LAPTM4A: variants seen among roughly 807,000 people sequenced by gnomAD.
LAPTM4A encodes lysosomal-associated transmembrane protein 4A.
In LAPTM4A, 19 loss-of-function variants were observed where a neutral mutation model predicts 29.9. That is an observed-to-expected ratio of 0.64 (90% CI 0.44 to 0.93). LAPTM4A has a LOEUF of 0.93. LAPTM4A is among the 40% of genes least tolerant of loss of function. The probability of loss-of-function intolerance (pLI) is 0.00; values close to 1 mark genes in which losing one functional copy is unlikely to be tolerated. For missense variants in LAPTM4A, 293 were observed against 288.5 expected, an observed-to-expected ratio of 1.02 and a Z score of -0.11; for synonymous variants, 105 against 102.1, an observed-to-expected ratio of 1.03 and a Z score of -0.17.
intron 3 of LAPTM4A, 36 bp from the exon 4 acceptor site, chr2:20,037,474 A>G (rs766532530): frequency 6.2e-7 from 1 of 1,604,038 alleles, no homozygotes; most frequent in African/African-American, 1.4e-5. Flanking sequence ...ATTGTATCAC[A>G]TATAGGAAAT....
intron 2 of LAPTM4A, among the ~76,000 whole-genome samples, chr2:20,039,714 T>C (rs1287178277): frequency 1.3e-5 from 2 of 151,954 alleles, no homozygotes; most frequent in African/African-American, 2.4e-5. Flanking sequence ...ACCTTTTCTC[T>C]AAAAAACTTT....
At chr2:20,048,795 TTCTC>T (rs948769590) in intron 1 of LAPTM4A, among the ~76,000 whole-genome samples, 6 of 152,220 alleles carry the variant, frequency 3.9e-5, no homozygotes, top group African/African-American at 1.2e-4. Flanking sequence ...CCCATATTGT[TTCTC>T]TGTCTTAGTA....
intron 4 of LAPTM4A, 149 bp downstream of exon 4, chr2:20,037,167 T>C (rs1673694453): frequency 1.7e-6 from 1 of 587,516 alleles, no homozygotes; most frequent in Non-Finnish European, 2.8e-6. Context: ...TTTGTCACAG[T>C]AGCTAAGAGA....
rs1340548752 is a variant in LAPTM4A, at chr2:20,033,189, C to CA, written c.*15dup. On this transcript the variant is annotated 3_prime_UTR_variant, in exon 7 of 7. Coordinates refer to ENST00000175091, the MANE Select transcript of LAPTM4A (RefSeq NM_014713.5). ...AAAAAGCTGGTATAGGATTTATTGT[C>CA]AAAGGCAGAATTTCTTCAGGCAGGT... 1.2e-6 allele frequency: 2 copies of CA among 1,608,150 alleles called. No individual in the cohort carries two copies. Among genetic ancestry groups the CA allele is most frequent in the East Asian group, 4.5e-5 (2 of 44,834 alleles).
intron 2 of LAPTM4A, among the ~76,000 whole-genome samples, chr2:20,040,163 A>T (rs967208843): frequency 1.3e-5 from 2 of 152,142 alleles, no homozygotes; most frequent in African/African-American, 4.8e-5. Context: ...CCAGCATGTG[A>T]ATTTTGGAGG....
chr2:20,045,248 T>C (rs546160762), intron 1 of LAPTM4A, among the ~76,000 whole-genome samples: 1 of 152,252 alleles, frequency 6.6e-6, no homozygotes, highest in Non-Finnish European at 1.5e-5. Flanking sequence ...TATTTATTCC[T>C]GATTCACTTT....
chr2:20,034,385 A>G lies in LAPTM4A; in HGVS notation c.559T>C (p.Tyr187His), dbSNP rs754913458. 6.2e-7 allele frequency: 1 copy of G among 1,613,908 alleles called. No individual in the cohort carries two copies. Residue 187 changes from tyrosine to histidine, a missense_variant, in exon 6 of 7, where the codon TAT (tyrosine) becomes CAT (histidine). By Grantham distance (83) the Tyr-to-His change is moderately conservative. Coordinates refer to ENST00000175091, the MANE Select transcript of LAPTM4A (RefSeq NM_014713.5). ...ACGTTTCGGTTGTTGATGTATTTAT[A>G]GCAGTTCCAAACACAGTTAATTAGA... is the stretch of plus-strand genomic sequence containing the variant. ...AYLINCVWNC[Y>H]KYINNRNVPE...
At chr2:20,047,990 T>G (rs1673972102) in intron 1 of LAPTM4A, among the ~76,000 whole-genome samples, 1 of 152,218 alleles carries the variant, frequency 6.6e-6, no homozygotes, top group African/African-American at 2.4e-5. Context: ...CTATGCTTAC[T>G]TGAAGTCAGA....
intron 2 of LAPTM4A, 49 bp downstream of exon 2, chr2:20,040,842 T>C (rs1444055473): frequency 2.6e-6 from 4 of 1,548,760 alleles, no homozygotes; most frequent in Non-Finnish European, 3.6e-6. Context: ...CAGGACTGTA[T>C]ATAAAAATTA....
intron 1 of LAPTM4A, among the ~76,000 whole-genome samples, chr2:20,041,592 G>GT (rs1161000421): frequency 2.0e-5 from 3 of 152,152 alleles, no homozygotes; most frequent in Non-Finnish European, 2.9e-5. Context: ...GTGGAGTGCA[G>GT]TGGTGCAATC....
intron 2 of LAPTM4A, 132 bp from the exon 3 acceptor site, chr2:20,037,746 GA>G: frequency 2.4e-6 from 1 of 424,666 alleles, no homozygotes; most frequent in East Asian, 3.7e-5. Flanking sequence ...CTAAGGCCAA[GA>G]GGGTAAAAAA....
intron 1 of LAPTM4A, among the ~76,000 whole-genome samples, chr2:20,042,007 A>C (rs894596536): frequency 6.6e-6 from 1 of 152,202 alleles, no homozygotes; most frequent in African/African-American, 2.4e-5. Flanking sequence ...CTCTTTACAC[A>C]TGCTCCAGTT....
At chr2:20,037,215 C>T (rs189891398) in intron 4 of LAPTM4A, 101 bp downstream of exon 4, 89 of 942,862 alleles carry the variant, frequency 9.4e-5, no homozygotes, top group African/African-American at 2.8e-4. Flanking sequence ...CAAAAGCAAG[C>T]GGAGTAGTTA....
intron 1 of LAPTM4A, among the ~76,000 whole-genome samples, chr2:20,041,592 G>A (rs897887011): frequency 6.6e-6 from 1 of 152,152 alleles, no homozygotes; most frequent in African/African-American, 2.4e-5. Context: ...GTGGAGTGCA[G>A]TGGTGCAATC....
Position 20,037,583 on chromosome 2 carries a change from AAC to A in LAPTM4A, c.262_263del (p.Val88SerfsTer31). 5 of 1,609,574 alleles carry A rather than the reference AAC, an allele frequency of 3.1e-6. No individual in the cohort carries two copies. Among genetic ancestry groups the A allele is most frequent in the Non-Finnish European group, 4.2e-6 (5 of 1,178,200 alleles). ...GCATTGAACTGATTATAAACATAAG[AAC>A]AGAGACGGCAAAAAGAACACAGGCA... ...DNACVLFAVSVLMFIISSMLV... is the reference protein window; with the variant it reads ...DNACVLFAVSXLMFIISSMLV... On this transcript the variant is annotated frameshift_variant, in exon 3 of 7. Transcript: ENST00000175091. LOFTEE classifies it high-confidence loss of function.
intron 1 of LAPTM4A, among the ~76,000 whole-genome samples, chr2:20,048,409 A>G (rs1214776112): frequency 6.6e-6 from 1 of 152,194 alleles, no homozygotes; most frequent in Non-Finnish European, 1.5e-5. Flanking sequence ...AAAGGCTCAC[A>G]CTTCAGGGCT....
At chr2:20,033,649 C>T (rs555843904) in intron 6 of LAPTM4A, among the ~76,000 whole-genome samples, 2 of 152,282 alleles carry the variant, frequency 1.3e-5, no homozygotes, top group South Asian at 4.1e-4. Context: ...ATAGGAAACA[C>T]CCAATAAGAC....
Position 20,038,320 on chromosome 2 carries a change from TA to T in LAPTM4A, c.233-707del, listed in dbSNP as rs1673724370. 2.6e-5 allele frequency among the ~76,000 whole-genome samples: 4 copies of T among 152,222 alleles called. No individual in the cohort carries two copies. In the South Asian group the frequency reaches 8.3e-4, roughly 32 times the overall value. On this transcript the variant is annotated intron_variant, in intron 2 of 6. Transcript: ENST00000175091. ...CAACTCTCCATTAATCCATGTTCAC[TA>T]ATTTTTTCACAAAACAGCCAAGTAA... is the stretch of plus-strand genomic sequence containing the variant.
In LAPTM4A at chr2:20,035,002, C is replaced by G. The variant is rs1438807486; in HGVS notation, c.493G>C (p.Val165Leu). The change falls in exon 5 of 7, where the codon GTT becomes CTT. Residue 165 changes from valine to leucine, a missense_variant. Transcript: ENST00000175091. ...ATGAATAAGGCAAAGAACACAAGAA[C>G]AATGAACAGGAGGCAGCTGGAGTCC... ...ALDSSCLLFIVLVFFALFIIF... is the reference protein window; with the variant it reads ...ALDSSCLLFILLVFFALFIIF... 6.2e-7 allele frequency: 1 copy of G among 1,612,766 alleles called. No individual in the cohort carries two copies. The highest frequency in any genetic ancestry group is 1.7e-5 in the Admixed American group (1 of 60,014).
Sources: allele counts gnomAD v4.1 joint callset (sites outside exome capture counted in the v4.1 genomes callset), GRCh38; gene constraint gnomAD v4.1.1; transcripts MANE v1.5; gene names NCBI Gene and HGNC (gene_info 2026-07-23, HGNC 2026-07-21).